Variants in RALGAPA1 observed in about 807,000 individuals in gnomAD.
RALGAPA1 encodes the protein ral GTPase-activating protein subunit alpha-1.
A neutral mutation model predicts 269.6 loss-of-function variants in RALGAPA1; 52 were observed. That is an observed-to-expected ratio of 0.19 (90% CI 0.15 to 0.24). The LOEUF (loss-of-function observed/expected upper bound fraction) is 0.24, where lower values mean the gene tolerates loss of function less well. Ranked by LOEUF, RALGAPA1 falls within the 10% of genes least tolerant of loss-of-function variation. The pLI is 1.00. For missense variants in RALGAPA1, 1,917 were observed against 3,013.9 expected, an observed-to-expected ratio of 0.64 and a Z score of 8.52; for synonymous variants, 817 against 1,008.3, an observed-to-expected ratio of 0.81 and a Z score of 3.60.
intron 39 of RALGAPA1, among the ~76,000 whole-genome samples, chr14:35,559,174 T>C (rs1171009904): frequency 2.0e-5 from 3 of 152,096 alleles, no homozygotes; most frequent in African/African-American, 7.2e-5. Context: ...TAGAAGAAAA[T>C]GGATAGATTT....
chr14:35,618,288 A>G (rs1049017783), intron 35 of RALGAPA1, among the ~76,000 whole-genome samples: 2 of 152,164 alleles, frequency 1.3e-5, no homozygotes, highest in African/African-American at 2.4e-5. Flanking sequence ...GGCAGGGTTT[A>G]GCTCAAAAAT....
chr14:35,715,877 C>T, intron 16 of RALGAPA1: 1 of 985,378 alleles, frequency 1.0e-6, no homozygotes, highest in Non-Finnish European at 1.2e-6. Context: ...CTCATCACTC[C>T]ATTTTCCACT....
At chr14:35,574,380 A>C (rs1319654169) in intron 37 of RALGAPA1, among the ~76,000 whole-genome samples, 1 of 152,204 alleles carries the variant, frequency 6.6e-6, no homozygotes, top group Non-Finnish European at 1.5e-5. Context: ...ATAGTATTAA[A>C]AGTCTGTTAA....
chr14:35,673,401 A>T (rs1162194293), intron 24 of RALGAPA1, among the ~76,000 whole-genome samples: 2 of 152,030 alleles, frequency 1.3e-5, no homozygotes. Context: ...ACAAAAAAAT[A>T]AAAAATTAGC....
chr14:35,590,055 G>A (rs915523533), intron 37 of RALGAPA1, among the ~76,000 whole-genome samples: 1 of 152,068 alleles, frequency 6.6e-6, no homozygotes, highest in Non-Finnish European at 1.5e-5. Flanking sequence ...TATTTTCATA[G>A]AGATTTAAGA....
At chr14:35,742,684 C>A in intron 10 of RALGAPA1, 119 bp from the exon 11 acceptor site, 5 of 680,990 alleles carry the variant, frequency 7.3e-6, no homozygotes, top group East Asian at 2.9e-5. Context: ...TTAAGCAAAA[C>A]AATGACATAA....
chr14:35,801,079 C>CCA (rs35666359), intron 1 of RALGAPA1, among the ~76,000 whole-genome samples: 2 of 142,100 alleles, frequency 1.4e-5, no homozygotes, highest in African/African-American at 5.2e-5. Flanking sequence ...AAAAAAAAAA[C>CCA]CACACACACA....
intron 38 of RALGAPA1, among the ~76,000 whole-genome samples, chr14:35,571,457 C>T (rs1566713574): frequency 6.6e-6 from 1 of 151,800 alleles, no homozygotes; most frequent in Non-Finnish European, 1.5e-5. Flanking sequence ...GCCAGATCAC[C>T]TGAAGTCAAG....
At chr14:35,591,107 T>C (rs753404885) in intron 37 of RALGAPA1, among the ~76,000 whole-genome samples, 4 of 152,220 alleles carry the variant, frequency 2.6e-5, no homozygotes, top group African/African-American at 4.8e-5. Flanking sequence ...GACTTTTCCA[T>C]GGCTGTGTGA....
Position 35,742,220 on chromosome 14 carries a change from T to A in RALGAPA1, c.1449+148A>T, listed in dbSNP as rs570548897. ...GCTATACGGTACTGAGATGACTACT[T>A]ATATTACCTAAATTGTTGCAAAATA... On this transcript the variant is annotated intron_variant, in intron 11 of 41. Coordinates refer to ENST00000680220, the MANE Select transcript of RALGAPA1 (RefSeq NM_001346249.2). The A allele has an allele frequency of 1.2e-5, 8 of 658,068 alleles. No homozygotes were observed. In the South Asian group the frequency reaches 1.6e-4, roughly 13 times the overall value. 40.8% of individuals were successfully genotyped at this position (658,068 alleles called of 1,614,324 possible).
intron 34 of RALGAPA1, 89 bp from the exon 35 acceptor site, chr14:35,625,521 C>T: frequency 1.1e-6 from 1 of 869,932 alleles, no homozygotes; most frequent in Admixed American, 2.5e-5. Flanking sequence ...ACTCATGCAA[C>T]TTTTCTACTT....
intron 39 of RALGAPA1, among the ~76,000 whole-genome samples, chr14:35,559,885 G>T (rs1408315934): frequency 2.6e-5 from 4 of 152,202 alleles, no homozygotes; most frequent in Non-Finnish European, 5.9e-5. Context: ...GTGCAAGAAT[G>T]AAGAGTATCA....
chr14:35,572,063 G>A (rs1447745774), intron 38 of RALGAPA1, among the ~76,000 whole-genome samples: 3 of 151,976 alleles, frequency 2.0e-5, no homozygotes, highest in Non-Finnish European at 4.4e-5. Context: ...TGAATTCTAT[G>A]GTGTATATAT....
intron 28 of RALGAPA1, among the ~76,000 whole-genome samples, chr14:35,657,082 C>G (rs570622134): frequency 7.2e-5 from 11 of 152,038 alleles, no homozygotes; most frequent in Middle Eastern, 3.4e-3. Flanking sequence ...TTTCCTACAC[C>G]CCCCCTCCAC....
At chr14:35,668,872 T>C (rs2064169242) in intron 26 of RALGAPA1, among the ~76,000 whole-genome samples, 1 of 152,210 alleles carries the variant, frequency 6.6e-6, no homozygotes, top group Admixed American at 6.5e-5. Flanking sequence ...TAGATATGTA[T>C]ACTTTATCTC....
At chr14:35,768,280 T>G (rs1044493098) in intron 4 of RALGAPA1, among the ~76,000 whole-genome samples, 9 of 152,158 alleles carry the variant, frequency 5.9e-5, no homozygotes, top group Admixed American at 6.5e-5. Flanking sequence ...AGAGTCTCAC[T>G]ATGTTGCTCA....
At chr14:35,638,995 AAAAG>A (rs1184466464) in intron 31 of RALGAPA1, among the ~76,000 whole-genome samples, 1 of 149,376 alleles carries the variant, frequency 6.7e-6, no homozygotes, top group Non-Finnish European at 1.5e-5. Context: ...AAACTCAATC[AAAAG>A]AGAGAGTGGC....
At chr14:35,791,760 G>C (rs1206449577) in intron 1 of RALGAPA1, among the ~76,000 whole-genome samples, 8 of 150,662 alleles carry the variant, frequency 5.3e-5, no homozygotes, top group Non-Finnish European at 8.9e-5. Context: ...CAAAAAATTA[G>C]CTCGGCGTGG....
At position 35,664,702 on chromosome 14, in the gene RALGAPA1, T is replaced by C. The variant is rs1213368504; in HGVS notation, c.5268A>G (p.Glu1756=). The change falls in exon 27 of 42, where the codon GAA becomes GAG. Residue 1756 remains glutamate, a synonymous_variant. Coordinates refer to ENST00000680220, the MANE Select transcript of RALGAPA1 (RefSeq NM_001346249.2). ...GAATGTTGGGATGAAGAGAAGGCAGTTCACAATATAAGTTGGGAAAGCAAA... is the reference window on the plus strand; with the variant it reads ...GAATGTTGGGATGAAGAGAAGGCAGCTCACAATATAAGTTGGGAAAGCAAA... The part of the protein sequence containing the change: ...SLVCFPNLYC[E]LPSLHPNIPD... The C allele has an allele frequency of 1.9e-6, 3 of 1,613,030 alleles. No homozygotes were observed. The East Asian group carries it at 6.7e-5, about 36-fold the overall frequency.
Sources: gnomAD v4.1 joint callset for allele counts (sites outside exome capture counted in the v4.1 genomes callset) on GRCh38, gnomAD v4.1.1 for gene constraint, MANE v1.5 for transcripts, NCBI Gene and HGNC (gene_info 2026-07-23, HGNC 2026-07-21) for gene names.